Variants in SYNE1 observed in about 807,000 individuals in gnomAD.
SYNE1 encodes the protein spectrin repeat containing nuclear envelope protein 1.
A neutral mutation model predicts 1,111.0 loss-of-function variants in SYNE1; 616 were observed. The observed-to-expected ratio is 0.55, with a 90% CI of 0.52 to 0.59. The LOEUF is 0.59. SYNE1 is among the 20% of genes least tolerant of loss of function. The pLI is 0.00. For missense variants in SYNE1, 10,006 were observed against 10,417.0 expected, an observed-to-expected ratio of 0.96 and a Z score of 1.72; for synonymous variants, 3,855 against 3,825.8, an observed-to-expected ratio of 1.01 and a Z score of -0.28.
chr6:152,474,742 G>T (rs1006907566), intron 14 of SYNE1: 2 of 152,294 alleles, frequency 1.3e-5, no homozygotes, highest in Non-Finnish European at 2.9e-5. Context: ...TTAAGAGGGG[G>T]TTAAGATATG....
chr6:152,139,717 AAAAGAAAG>A (rs138419982), intron 140 of SYNE1, among the ~76,000 whole-genome samples: 9,610 of 95,490 alleles, frequency 0.1, 519 homozygotes, highest in African/African-American at 0.13. Context: ...AAAAGAAAGA[AAAAGAAAG>A]AAAGAAAGAA....
intron 3 of SYNE1, among the ~76,000 whole-genome samples, chr6:152,607,420 A>AT (rs71705314): frequency 3.7e-4 from 56 of 149,710 alleles, no homozygotes; most frequent in African/African-American, 7.6e-4. Flanking sequence ...TGATGTCAAG[A>AT]TTTTTTTTTT....
chr6:152,271,067 G>A (rs546609164), intron 98 of SYNE1, among the ~76,000 whole-genome samples: 1 of 152,038 alleles, frequency 6.6e-6, no homozygotes, highest in Admixed American at 6.6e-5. Flanking sequence ...GCTGCTGCTC[G>A]CCTGCCCCTG....
In SYNE1 at chr6:152,148,456, G is replaced by A. The variant is rs1444798965; in HGVS notation, c.24643-78C>T. 5.8e-6 allele frequency: 8 copies of A among 1,368,458 alleles called. No individual in the cohort carries two copies. Among genetic ancestry groups the A allele is most frequent in the African/African-American group, 1.4e-5 (1 of 69,636 alleles). The allele number at this position is 1,368,458 out of a possible 1,614,324, so 84.8% of individuals were successfully genotyped here. On this transcript the variant is annotated intron_variant, in intron 136 of 145. Coordinates refer to ENST00000367255, the MANE Select transcript of SYNE1 (RefSeq NM_182961.4). This position sits in a 1 kb window ranked among gnomAD's most constrained non-coding sequence, Gnocchi z 4.1. ...TATCTGGGCCACCTGCCTACCATGT[G>A]GGGACAATTTTTAACTTCTTATGAG...
At position 152,531,663 on chromosome 6, in the gene SYNE1, C is replaced by T. The variant is rs541320105; in HGVS notation, c.130-5488G>A. On this transcript the variant is annotated intron_variant, in intron 4 of 145. Transcript: ENST00000367255. The stretch of plus-strand genomic sequence containing the variant: ...AACAACAACTAGCCATTCCCTCTGC[C>T]CTTCAGCCTCTACCATTCTACCATT... Among the ~76,000 whole-genome samples, 24 of 152,246 alleles carry T rather than the reference C, an allele frequency of 1.6e-4. No individual in the cohort carries two copies. The South Asian group carries it at 4.8e-3, about 30-fold the overall frequency.
Position 152,344,180 on chromosome 6 carries a change from T to C in SYNE1, c.12126A>G (p.Gln4042=). Residue 4042 remains glutamine (Q), a synonymous_variant, in exon 74 of 146, where the codon CAA becomes CAG. Transcript: ENST00000367255. ...EHELQKHVSR[Q]DTLQQCQAWL... ...AGGCCTGGCACTGCTGCAGGGTGTCTTGTCGGCTGACGTGCTTCTGAAGTT... is the reference window on the plus strand; with the variant it reads ...AGGCCTGGCACTGCTGCAGGGTGTCCTGTCGGCTGACGTGCTTCTGAAGTT... 6.2e-7 allele frequency: 1 copy of C among 1,614,230 alleles called. No homozygotes were observed. Among genetic ancestry groups the C allele is most frequent in the Non-Finnish European group, 8.5e-7 (1 of 1,180,042 alleles).
At chr6:152,328,380 T>TTTTATTTATTTATTTA (rs56379838) in intron 78 of SYNE1, among the ~76,000 whole-genome samples, 12 of 137,510 alleles carry the variant, frequency 8.7e-5, no homozygotes, top group Non-Finnish European at 1.2e-4. Context: ...TCTTATTTTA[T>TTTTATTTATTTATTTA]TTTATTTATT....
At chr6:152,394,804 G>A (rs923600379) in intron 51 of SYNE1, among the ~76,000 whole-genome samples, 1 of 66,372 alleles carries the variant, frequency 1.5e-5, no homozygotes, top group East Asian at 4.2e-4. Context: ...TTTTTTTTTT[G>A]AGATGGAGTC....
At chr6:152,390,599 T>G in intron 52 of SYNE1, 147 bp from the exon 53 acceptor site, 20 of 727,720 alleles carry the variant, frequency 2.7e-5, no homozygotes, top group Non-Finnish European at 4.0e-5. Flanking sequence ...TATTGCAATA[T>G]AATATTGACT....
chr6:152,404,312 A>T lies in SYNE1; in HGVS notation c.6726T>A (p.Ser2242=). The part of the protein sequence containing the change: ...RAEELLKEFE[S]EVKNKALRLE... ...ATCTCAATGCTTTGTTTTTAACTTC[A>T]GACTGCCAAAAGGGAAGAAACATAA... Residue 2242 remains serine, a splice_region_variant and synonymous_variant, in exon 46 of 146, where the codon TCT becomes TCA. Coordinates refer to ENST00000367255, the MANE Select transcript of SYNE1 (RefSeq NM_182961.4). 1 of 1,608,578 alleles carries T rather than the reference A, an allele frequency of 6.2e-7. No individual in the cohort carries two copies. The highest frequency in any genetic ancestry group is 8.5e-7 in the Non-Finnish European group (1 of 1,176,394).
chr6:152,363,205 A>G (rs2096966579), intron 63 of SYNE1, among the ~76,000 whole-genome samples: 1 of 145,800 alleles, frequency 6.9e-6, no homozygotes, highest in East Asian at 2.3e-4. Flanking sequence ...TTTAAATTTC[A>G]TTAATCAGGC....
intron 105 of SYNE1, among the ~76,000 whole-genome samples, chr6:152,246,716 T>C (rs1458124362): frequency 2.6e-5 from 4 of 152,178 alleles, no homozygotes; most frequent in African/African-American, 9.7e-5. Context: ...AAGAGTCCCT[T>C]GAGCTCCCAG....
At chr6:152,383,288 A>C (rs949700273) in intron 55 of SYNE1, among the ~76,000 whole-genome samples, 2 of 152,222 alleles carry the variant, frequency 1.3e-5, no homozygotes, top group East Asian at 3.9e-4. Context: ...GCCTTTGTGA[A>C]AGAATTATCT....
intron 62 of SYNE1, among the ~76,000 whole-genome samples, chr6:152,366,660 A>G (rs1712577214): frequency 6.6e-6 from 1 of 152,180 alleles, no homozygotes; most frequent in African/African-American, 2.4e-5. Context: ...GTTGTCTTCT[A>G]TATTTCGACC....
Position 152,367,357 on chromosome 6 carries a change from A to G in SYNE1, c.9833T>C (p.Ile3278Thr). 2 of 1,614,152 alleles carry G rather than the reference A, an allele frequency of 1.2e-6. No homozygotes were observed. Among genetic ancestry groups the G allele is most frequent in the South Asian group, 1.1e-5 (1 of 91,086 alleles). Reference sequence around the variant, plus strand: ...AGAGAACTGATTGTGTTCTGCAACGATTCTATCCAGTCTTGACACTTTCTC... The same window carrying G: ...AGAGAACTGATTGTGTTCTGCAACGGTTCTATCCAGTCTTGACACTTTCTC... Reference protein sequence around the residue: ...TKEKVSRLDRIVAEHNQFSLG... With the variant: ...TKEKVSRLDRTVAEHNQFSLG... The change falls in exon 62 of 146, where the codon ATC (isoleucine) becomes ACC (threonine). Residue 3278 changes from isoleucine to threonine, a missense_variant. Around this residue, in one of 7 missense-constraint regions of SYNE1, gnomAD observed 4,955 missense variants for 5,017.2 expected, o/e 0.99. Coordinates refer to ENST00000367255, the MANE Select transcript of SYNE1 (RefSeq NM_182961.4).
intron 128 of SYNE1, among the ~76,000 whole-genome samples, chr6:152,182,771 T>G (rs916135321): frequency 6.6e-6 from 1 of 152,172 alleles, no homozygotes; most frequent in South Asian, 2.1e-4. Context: ...TTAGGCATAG[T>G]GAGTTGCCTA....
intron 3 of SYNE1, among the ~76,000 whole-genome samples, chr6:152,584,025 A>T (rs1334790246): frequency 6.6e-6 from 1 of 152,202 alleles, no homozygotes. Flanking sequence ...GGGGGTTATG[A>T]ACAGAAGCTC....
In SYNE1 at chr6:152,272,449, G is replaced by A. The variant is rs184218632; in HGVS notation, c.18574-3163C>T. Among the ~76,000 whole-genome samples, 154 of 152,246 alleles carry A rather than the reference G, an allele frequency of 1.0e-3. 1 individual carries two copies. The highest frequency in any genetic ancestry group is 3.6e-3 in the African/African-American group (148 of 41,546). ...ATTCCTTGGAAGATGAATGAGGACT[G>A]GGCAGTGCTAAACATTACATAAAAC... On this transcript the variant is annotated intron_variant, in intron 98 of 145. Transcript: ENST00000367255.
At chr6:152,487,102 T>G (rs2098945058) in intron 12 of SYNE1, among the ~76,000 whole-genome samples, 2 of 152,224 alleles carry the variant, frequency 1.3e-5, no homozygotes, top group African/African-American at 4.8e-5. Context: ...GAAGATTTGT[T>G]ACATAGGTAA....
Sources: gnomAD v4.1 joint callset for allele counts (sites outside exome capture counted in the v4.1 genomes callset) on GRCh38, gnomAD v4.1.1 for gene constraint, gnomAD v4.1.1 regional missense constraint, Gnocchi (gnomAD v3.1) non-coding constraint, MANE v1.5 for transcripts, NCBI Gene and HGNC (gene_info 2026-07-23, HGNC 2026-07-21) for gene names.